The following VWCE variants were observed in gnomAD, a reference collection of about 807,000 sequenced individuals.
VWCE encodes von Willebrand factor C and EGF domain-containing protein.
VWCE carries 68 observed loss-of-function variants against 102.9 expected under a neutral mutation model. The ratio of observed to expected loss-of-function variants is 0.66; its 90% confidence interval spans 0.54 to 0.81. The LOEUF is 0.81. VWCE is among the 30% of genes least tolerant of loss of function. The probability of loss-of-function intolerance (pLI) is 0.00; values close to 1 mark genes in which losing one functional copy is unlikely to be tolerated. For missense variants in VWCE, 1,137 were observed against 1,263.6 expected (o/e 0.90, Z 1.52); for synonymous variants, 497 against 515.4 (o/e 0.96, Z 0.48).
chr11:61,261,999 G>A (rs1371754628), intron 19 of VWCE, among the ~76,000 whole-genome samples: 2 of 152,098 alleles, frequency 1.3e-5, no homozygotes, highest in Non-Finnish European at 2.9e-5. Context: ...CTGTTGCCCA[G>A]GCTGGAGGGC....
chr11:61,271,716 T>C lies in VWCE; in HGVS notation c.1744A>G (p.Ile582Val). The change falls in exon 14 of 20, where the codon ATC becomes GTC. Residue 582 changes from isoleucine (I) to valine (V), a missense_variant. By Grantham distance (29) the Ile-to-Val change is conservative. This residue lies in a region of VWCE where 212 missense variants were observed against 235.1 expected (regional missense o/e 0.90). Coordinates refer to ENST00000335613, the MANE Select transcript of VWCE (RefSeq NM_152718.2). ...TCACAGGGGTCACCAGGCGACCAGATCTGTCCAATCGGAAACTCAACCCCG... is the reference window on the plus strand; with the variant it reads ...TCACAGGGGTCACCAGGCGACCAGACCTGTCCAATCGGAAACTCAACCCCG... The part of the protein sequence containing the change: ...DNGVEFPIGQ[I>V]WSPGDPCELC... 1 of 1,613,712 alleles carries C rather than the reference T, an allele frequency of 6.2e-7. No homozygotes were observed. The highest frequency in any genetic ancestry group is 8.5e-7 in the Non-Finnish European group (1 of 1,179,828).
chr11:61,269,076 C>A, intron 14 of VWCE, 58 bp from the exon 15 acceptor site: 1 of 1,532,012 alleles, frequency 6.5e-7, no homozygotes, highest in Non-Finnish European at 9.0e-7. Context: ...CCTGCCTCCC[C>A]GCCCTGCAAA....
At position 61,267,498 on chromosome 11, in the gene VWCE, C is replaced by T. The variant is rs192323431; in HGVS notation, c.1929G>A (p.Pro643=). 89 of 1,614,118 alleles carry T rather than the reference C, an allele frequency of 5.5e-5. No individual in the cohort carries two copies. The highest frequency in any genetic ancestry group is 6.8e-5 in the Non-Finnish European group (80 of 1,180,022). Residue 643 remains proline, a synonymous_variant, in exon 16 of 20, where the codon CCG becomes CCA. Coordinates refer to ENST00000335613, the MANE Select transcript of VWCE (RefSeq NM_152718.2). ...AGCTCAGACATGGGTCCAGCACAGA[C>T]GGGAAGGTCTCGTTGTTATAGAAGA... ...GRIFYNNETF[P]SVLDPCLSCI...
Position 61,276,746 on chromosome 11 carries a change from C to G in VWCE, c.1408-66G>C, listed in dbSNP as rs1854930638. 1.3e-5 allele frequency: 17 copies of G among 1,316,036 alleles called. 1 individual carries two copies. The South Asian group carries it at 2.9e-4, about 22-fold the overall frequency. 81.5% of individuals were successfully genotyped at this position (1,316,036 alleles called of 1,614,324 possible). ...GGAACAGGGTTCATTCCCCATCTCA[C>G]AGCAGGCCCTTCGAACAGGAAAGCT... On this transcript the variant is annotated intron_variant, in intron 10 of 19. Transcript: ENST00000335613.
In VWCE at chr11:61,271,742, T is replaced by C. The variant is rs1405443953; in HGVS notation, c.1718A>G (p.Asn573Ser). The change falls in exon 14 of 20, where the codon AAC becomes AGC. Residue 573 changes from asparagine (N) to serine (S), a missense_variant. Physicochemically the swap from Asn to Ser is conservative, Grantham distance 46 (BLOSUM62 1). Coordinates refer to ENST00000335613, the MANE Select transcript of VWCE (RefSeq NM_152718.2). Reference protein sequence around the residue: ...TPSTGCSLDDNGVEFPIGQIW... With the variant: ...TPSTGCSLDDSGVEFPIGQIW... ...CTGTCCAATCGGAAACTCAACCCCG[T>C]TGTCGTCAAGAGAGCAGCCTGGATG... The C allele has an allele frequency of 1.9e-6, 3 of 1,613,506 alleles. No homozygotes were observed. The South Asian group carries it at 3.3e-5, about 18-fold the overall frequency.
intron 10 of VWCE, among the ~76,000 whole-genome samples, 187 bp from the exon 11 acceptor site, chr11:61,276,867 AG>A (rs1854935543): frequency 8.5e-6 from 1 of 117,764 alleles, no homozygotes; most frequent in Non-Finnish European, 1.7e-5. Flanking sequence ...AGGAGAGGAA[AG>A]GAGAGAGGAG....
intron 19 of VWCE, among the ~76,000 whole-genome samples, chr11:61,260,373 A>G (rs931943081): frequency 1.6e-4 from 24 of 152,306 alleles, no homozygotes; most frequent in African/African-American, 4.3e-4. Flanking sequence ...TCCTGGGCTC[A>G]AGCGATCCTC....
rs767499625 is a variant in VWCE, at chr11:61,290,971, C to T, written c.296-44G>A. The T allele has an allele frequency of 6.3e-6, 10 of 1,584,692 alleles. No individual in the cohort carries two copies. In the South Asian group the frequency reaches 1.0e-4, roughly 16 times the overall value. On this transcript the variant is annotated intron_variant, in intron 3 of 19. Coordinates refer to ENST00000335613, the MANE Select transcript of VWCE (RefSeq NM_152718.2). The stretch of plus-strand genomic sequence containing the variant: ...CAGTGAGCATGCACCCCGTGGCAGT[C>T]CCAACCATCCCCACTTCACCAGGGT...
intron 9 of VWCE, 67 bp from the exon 10 acceptor site, chr11:61,278,543 C>A: frequency 6.9e-7 from 1 of 1,448,992 alleles, no homozygotes; most frequent in Non-Finnish European, 9.7e-7. Flanking sequence ...TGAGGTCTCG[C>A]TGCTTCTCCA....
chr11:61,263,477 G>A (rs74865774), intron 19 of VWCE, among the ~76,000 whole-genome samples: 44 of 152,288 alleles, frequency 2.9e-4, no homozygotes, highest in Non-Finnish European at 5.0e-4. Context: ...TCGTGGTTAC[G>A]AAGGCTGGCA....
chr11:61,259,871 A>G (rs1368815033), intron 19 of VWCE, among the ~76,000 whole-genome samples: 1 of 152,240 alleles, frequency 6.6e-6, no homozygotes, highest in East Asian at 1.9e-4. Context: ...AGGGCCTGGC[A>G]TATCATAAAG....
At chr11:61,272,958 G>A (rs1316934946) in intron 13 of VWCE, among the ~76,000 whole-genome samples, 1 of 150,990 alleles carries the variant, frequency 6.6e-6, no homozygotes, top group Non-Finnish European at 1.5e-5. Flanking sequence ...ACATACGCAG[G>A]TACCACTAAC....
intron 14 of VWCE, among the ~76,000 whole-genome samples, chr11:61,270,628 T>G (rs1482816766): frequency 6.6e-6 from 1 of 152,100 alleles, no homozygotes; most frequent in Non-Finnish European, 1.5e-5. Flanking sequence ...TCCTTACTCA[T>G]TTCTGAAATG....
rs1854538539 is a variant in VWCE at position 61,267,157 on chromosome 11, C to T, written c.1965+305G>A. Among the ~76,000 whole-genome samples, 6 of 152,264 alleles carry T rather than the reference C, an allele frequency of 3.9e-5. No individual in the cohort carries two copies. The South Asian group carries it at 1.2e-3, about 32-fold the overall frequency. ...CCTGTGGTCCCAGCTACTTGGGAGGCTGACACAGGAGAATCGCTTGAACTC... is the reference window on the plus strand; with the variant it reads ...CCTGTGGTCCCAGCTACTTGGGAGGTTGACACAGGAGAATCGCTTGAACTC... On this transcript the variant is annotated intron_variant, in intron 16 of 19. Transcript: ENST00000335613.
intron 7 of VWCE, 80 bp downstream of exon 7, chr11:61,281,706 C>T: frequency 6.7e-7 from 1 of 1,482,020 alleles, no homozygotes; most frequent in South Asian, 1.4e-5. Flanking sequence ...CGGGGAGGGG[C>T]CAGGCTATGG....
intron 10 of VWCE, among the ~76,000 whole-genome samples, chr11:61,276,944 AAGGGG>A (rs749942892): frequency 1.5e-4 from 13 of 87,440 alleles, no homozygotes; most frequent in Middle Eastern, 6.2e-3. Context: ...GAAGACAGGG[AAGGGG>A]AGGGGAGGGG....
chr11:61,272,230 TAC>T (rs946971391), intron 13 of VWCE, among the ~76,000 whole-genome samples: 6 of 150,502 alleles, frequency 4.0e-5, no homozygotes, highest in Admixed American at 1.3e-4. Context: ...CACATTTACA[TAC>T]ACACACAGAT....
chr11:61,258,976 G>C lies in VWCE; in HGVS notation c.2567C>G (p.Thr856Ser). 3.1e-6 allele frequency: 5 copies of C among 1,598,616 alleles called. No individual in the cohort carries two copies. In the South Asian group the frequency reaches 4.5e-5, roughly 14 times the overall value. Residue 856 changes from threonine (T) to serine (S), a missense_variant, in exon 20 of 20, where the codon ACT (threonine) becomes AGT (serine). Around this residue, in one of 5 missense-constraint regions of VWCE, gnomAD observed 316 missense variants for 319.3 expected, o/e 0.99. Coordinates refer to ENST00000335613, the MANE Select transcript of VWCE (RefSeq NM_152718.2). ...PGPSTPPGAP[T>S]LPLASPGAPQ... ...AGCCCCTGGGGAAGCTAGAGGTAGA[G>C]TGGGGGCTCCTGGAGGGGTCGAAGG...
intron 13 of VWCE, among the ~76,000 whole-genome samples, chr11:61,272,152 AT>A (rs1266647536): frequency 6.6e-6 from 1 of 151,976 alleles, no homozygotes; most frequent in African/African-American, 2.4e-5. Flanking sequence ...ACAAATGCAC[AT>A]TTACATACAC....
Sources: allele counts gnomAD v4.1 joint callset (sites outside exome capture counted in the v4.1 genomes callset), GRCh38; gene constraint gnomAD v4.1.1; regional missense constraint gnomAD v4.1.1; transcripts MANE v1.5; gene names NCBI Gene and HGNC (gene_info 2026-07-23, HGNC 2026-07-21).